NCAM2: variants seen among roughly 807,000 people sequenced by gnomAD.
NCAM2 encodes the protein N-CAM-2.
A neutral mutation model predicts 98.1 loss-of-function variants in NCAM2; 30 were observed. The ratio of observed to expected loss-of-function variants is 0.31; its 90% CI spans 0.23 to 0.41. NCAM2 has a LOEUF of 0.41. NCAM2 is among the 10% of genes least tolerant of loss of function. The pLI is 1.00. For synonymous variants in NCAM2, 368 were observed against 342.4 expected, an observed-to-expected ratio of 1.07 and a Z score of -0.83; for missense variants, 867 against 1,005.8, an observed-to-expected ratio of 0.86 and a Z score of 1.87.
chr21:21,117,739 A>T (rs1243132172), intron 1 of NCAM2, among the ~76,000 whole-genome samples: 4 of 152,088 alleles, frequency 2.6e-5, no homozygotes, highest in Non-Finnish European at 5.9e-5. Flanking sequence ...TCTTCAAAGC[A>T]TATATCTTTG....
At chr21:21,214,918 G>T (rs1015696558) in intron 1 of NCAM2, among the ~76,000 whole-genome samples, 1 of 151,180 alleles carries the variant, frequency 6.6e-6, no homozygotes. Flanking sequence ...TTATTAGAAG[G>T]GCTTAAACTC....
At chr21:21,451,886 A>G (rs73324883) in intron 12 of NCAM2, among the ~76,000 whole-genome samples, 2 of 152,062 alleles carry the variant, frequency 1.3e-5, no homozygotes, top group Non-Finnish European at 2.9e-5. Context: ...TTCAAGGCCC[A>G]TGATTTTCTG....
rs565676221 is a variant in NCAM2, at chr21:21,076,116, C to CAAA, written c.55+77510_55+77512dup. Among the ~76,000 whole-genome samples, 293 of 121,460 alleles carry CAAA rather than the reference C, an allele frequency of 2.4e-3. 1 individual carries two copies. Among genetic ancestry groups the CAAA allele is most frequent in the Non-Finnish European group, 2.9e-3 (160 of 56,006 alleles). 79.7% of individuals were successfully genotyped at this position (121,460 alleles called of 152,430 possible). On this transcript the variant is annotated intron_variant, in intron 1 of 17. Coordinates refer to ENST00000400546, the MANE Select transcript of NCAM2 (RefSeq NM_004540.5). Reference sequence around the variant, plus strand: ...TGAGCGACAGAGTGAGACCCCATCTCAAAAAAAAAAAAAAGAATATGACCA... The same window carrying CAAA: ...TGAGCGACAGAGTGAGACCCCATCTCAAAAAAAAAAAAAAAAAGAATATGACCA...
chr21:21,327,942 T>C (rs568181356), intron 6 of NCAM2, among the ~76,000 whole-genome samples: 2 of 152,232 alleles, frequency 1.3e-5, no homozygotes, highest in East Asian at 3.9e-4. Flanking sequence ...CTCTAAAGGT[T>C]CCCCCCTTCA....
intron 1 of NCAM2, among the ~76,000 whole-genome samples, chr21:21,262,658 C>CAAAAAAA (rs33912324): frequency 5.2e-4 from 41 of 78,790 alleles, no homozygotes; most frequent in East Asian, 2.0e-3. Context: ...AACAATCAGT[C>CAAAAAAA]AAAAAAAAAA....
At chr21:21,536,620 C>T (rs1989996700) in intron 17 of NCAM2, among the ~76,000 whole-genome samples, 1 of 152,108 alleles carries the variant, frequency 6.6e-6, no homozygotes, top group African/African-American at 2.4e-5. Flanking sequence ...CAACTCCTGA[C>T]CTCATGTGAT....
At chr21:21,210,928 AT>A in intron 1 of NCAM2, among the ~76,000 whole-genome samples, 1 of 149,892 alleles carries the variant, frequency 6.7e-6, no homozygotes, top group Non-Finnish European at 1.5e-5. Context: ...GGTAGCTTCC[AT>A]ATAGGAGAAG....
At chr21:21,262,008 G>C (rs866391587) in intron 1 of NCAM2, among the ~76,000 whole-genome samples, 13 of 152,050 alleles carry the variant, frequency 8.5e-5, no homozygotes, top group African/African-American at 3.1e-4. Flanking sequence ...AGAACAATCA[G>C]AAATGAAATA....
chr21:21,187,761 T>G (rs2068688255), intron 1 of NCAM2, among the ~76,000 whole-genome samples: 1 of 152,168 alleles, frequency 6.6e-6, no homozygotes, highest in African/African-American at 2.4e-5. Context: ...GCCTTGGGTA[T>G]TCATTAAACC....
chr21:21,171,153 A>G (rs1234920301), intron 1 of NCAM2, among the ~76,000 whole-genome samples: 1 of 152,218 alleles, frequency 6.6e-6, no homozygotes, highest in Non-Finnish European at 1.5e-5. Flanking sequence ...ACACTTGAAA[A>G]TGATGATGGG....
intron 3 of NCAM2, among the ~76,000 whole-genome samples, chr21:21,285,472 C>A (rs1204859942): frequency 1.3e-5 from 2 of 151,800 alleles, no homozygotes; most frequent in East Asian, 1.9e-4. Context: ...ATTTATGTAA[C>A]CCCCTAGAGT....
At chr21:21,383,451 C>T (rs1418740327) in intron 9 of NCAM2, among the ~76,000 whole-genome samples, 5 of 152,084 alleles carry the variant, frequency 3.3e-5, no homozygotes, top group East Asian at 1.9e-4. Context: ...TTAGTTACCA[C>T]GATCACTTTG....
intron 1 of NCAM2, among the ~76,000 whole-genome samples, chr21:21,209,905 A>C (rs2069583727): frequency 6.6e-6 from 1 of 152,152 alleles, no homozygotes; most frequent in African/African-American, 2.4e-5. Context: ...TTATGGTAAG[A>C]TATTGCGACT....
At chr21:21,509,347 T>C (rs947988521) in intron 16 of NCAM2, among the ~76,000 whole-genome samples, 2 of 152,140 alleles carry the variant, frequency 1.3e-5, no homozygotes, top group Non-Finnish European at 2.9e-5. Flanking sequence ...GGATGGATAG[T>C]TGTGCAAATG....
chr21:21,505,567 T>G (rs1246762173), intron 15 of NCAM2, among the ~76,000 whole-genome samples: 1 of 152,072 alleles, frequency 6.6e-6, no homozygotes, highest in Non-Finnish European at 1.5e-5. Flanking sequence ...TACTTGTCAT[T>G]TAAAAGCTAA....
chr21:21,338,419 A>G lies in NCAM2; in HGVS notation c.929A>G (p.Glu310Gly). Residue 310 changes from glutamate to glycine, a missense_variant, in exon 8 of 18, where the codon GAA (glutamate) becomes GGA (glycine). Physicochemically the swap from Glu to Gly is moderately conservative, Grantham distance 98. This residue lies in a region of NCAM2 where 447 missense variants were observed against 495.7 expected (regional missense o/e 0.90). Coordinates refer to ENST00000400546, the MANE Select transcript of NCAM2 (RefSeq NM_004540.5). ...VQPHIIQLKN[E>G]TTYENGQVTL... is the part of the protein sequence containing the mutation. ...CCTCACATAATACAGCTTAAAAATG[A>G]AACTACATATGAGAATGGTCAAGTC... 1 of 1,612,314 alleles carries G rather than the reference A, an allele frequency of 6.2e-7. No individual in the cohort carries two copies. The highest frequency in any genetic ancestry group is 1.1e-5 in the South Asian group (1 of 91,008).
At chr21:21,417,916 T>TTAG (rs1254390384) in intron 10 of NCAM2, among the ~76,000 whole-genome samples, 1 of 152,040 alleles carries the variant, frequency 6.6e-6, no homozygotes, top group African/African-American at 2.4e-5. Context: ...TCCTCCTTCG[T>TTAG]TAGTATTATA....
At chr21:21,331,511 C>CTATATATATA (rs1400422948) in intron 6 of NCAM2, among the ~76,000 whole-genome samples, 2 of 6,564 alleles carry the variant, frequency 3.0e-4, no homozygotes, top group African/African-American at 8.9e-4. Context: ...TCTATACTCT[C>CTATATATATA]TCTCTCTATA....
chr21:21,307,322 C>T (rs542672544), intron 5 of NCAM2, among the ~76,000 whole-genome samples: 1 of 152,104 alleles, frequency 6.6e-6, no homozygotes, highest in African/African-American at 2.4e-5. Flanking sequence ...AATGCTGTTG[C>T]ACTACTTCAC....
Sources: gnomAD v4.1 joint callset for allele counts (sites outside exome capture counted in the v4.1 genomes callset) on GRCh38, gnomAD v4.1.1 for gene constraint, gnomAD v4.1.1 regional missense constraint, MANE v1.5 for transcripts, NCBI Gene and HGNC (gene_info 2026-07-23, HGNC 2026-07-21) for gene names.